The following PDE10A variants were observed in gnomAD, a reference collection of about 807,000 sequenced individuals.
PDE10A encodes phosphodiesterase 10A.
PDE10A carries 39 observed loss-of-function variants against 97.7 expected under a neutral mutation model. The ratio of observed to expected loss-of-function variants is 0.40; its 90% CI spans 0.31 to 0.52. The LOEUF is 0.52. PDE10A is among the 20% of genes least tolerant of loss of function. PDE10A has a pLI of 0.56. For synonymous variants in PDE10A, 371 were observed against 376.8 expected (o/e 0.98, Z 0.18); for missense variants, 731 against 1,047.8 (o/e 0.70, Z 4.17).
intron 3 of PDE10A, among the ~76,000 whole-genome samples, chr6:165,481,954 T>C (rs1372336472): frequency 1.3e-5 from 2 of 152,190 alleles, no homozygotes; most frequent in Non-Finnish European, 2.9e-5. Flanking sequence ...CAGCTTCCGC[T>C]TCCCACCCTG....
chr6:165,672,513 C>T (rs1327729522), intron 1 of PDE10A, among the ~76,000 whole-genome samples: 70 of 152,126 alleles, frequency 4.6e-4, no homozygotes, highest in Admixed American at 4.6e-3. Flanking sequence ...TGGCTGTGTC[C>T]CCACCCAAAT....
intron 10 of PDE10A, among the ~76,000 whole-genome samples, chr6:165,420,456 T>C (rs933581656): frequency 6.6e-6 from 1 of 152,142 alleles, no homozygotes; most frequent in African/African-American, 2.4e-5. Context: ...GCGAGAGTGA[T>C]GGGGCTGAGT....
intron 1 of PDE10A, among the ~76,000 whole-genome samples, chr6:165,719,985 A>C (rs2128448247): frequency 6.6e-6 from 1 of 152,342 alleles, no homozygotes; most frequent in South Asian, 2.1e-4. Context: ...AAGGTGTGTA[A>C]AACGTGAGGA....
chr6:165,888,652 G>A (rs1012785972), intron 1 of PDE10A, among the ~76,000 whole-genome samples: 4 of 152,114 alleles, frequency 2.6e-5, no homozygotes, highest in Admixed American at 2.6e-4. Context: ...ATTTTTATTT[G>A]TTTGTTTGTG....
At chr6:165,719,312 C>A (rs919900431) in intron 1 of PDE10A, among the ~76,000 whole-genome samples, 1 of 152,170 alleles carries the variant, frequency 6.6e-6, no homozygotes, top group African/African-American at 2.4e-5. Context: ...CTGTGAAGCT[C>A]ATTATCGGCA....
chr6:165,385,697 A>G (rs1785255280), intron 17 of PDE10A, among the ~76,000 whole-genome samples: 1 of 152,248 alleles, frequency 6.6e-6, no homozygotes, highest in African/African-American at 2.4e-5. Flanking sequence ...GGATTACTGC[A>G]AAATCAGCCA....
intron 1 of PDE10A, among the ~76,000 whole-genome samples, chr6:165,896,600 C>G (rs1017914534): frequency 6.0e-5 from 9 of 149,830 alleles, no homozygotes; most frequent in African/African-American, 2.2e-4. Flanking sequence ...TCTCGGCTCA[C>G]TGCAAGCTCC....
chr6:165,832,760 T>C (rs1666242538), intron 1 of PDE10A, among the ~76,000 whole-genome samples: 1 of 152,268 alleles, frequency 6.6e-6, no homozygotes, highest in Admixed American at 6.5e-5. Context: ...GAAGTTTACA[T>C]TTCAAGAGGC....
intron 2 of PDE10A, among the ~76,000 whole-genome samples, chr6:165,482,866 G>C (rs530204693): frequency 6.6e-6 from 1 of 152,294 alleles, no homozygotes; most frequent in East Asian, 1.9e-4. Context: ...TGTGTCTGAG[G>C]AGTTGTGGGG....
chr6:165,720,569 A>T (rs1422412263), intron 1 of PDE10A, among the ~76,000 whole-genome samples: 1 of 152,240 alleles, frequency 6.6e-6, no homozygotes, highest in Non-Finnish European at 1.5e-5. Context: ...ATATCATCAA[A>T]TGTCCCTTGA....
intron 2 of PDE10A, among the ~76,000 whole-genome samples, chr6:165,508,822 C>T (rs1781348883): frequency 6.6e-6 from 1 of 151,948 alleles, no homozygotes; most frequent in Non-Finnish European, 1.5e-5. Context: ...TGTAAGTATA[C>T]AAAATTCAGT....
intron 1 of PDE10A, among the ~76,000 whole-genome samples, chr6:165,805,904 A>T (rs914226337): frequency 6.6e-6 from 1 of 152,082 alleles, no homozygotes; most frequent in African/African-American, 2.4e-5. Flanking sequence ...CATCTCCCCG[A>T]GCCAGTTCCA....
At chr6:165,832,938 C>G (rs567118384) in intron 1 of PDE10A, among the ~76,000 whole-genome samples, 52 of 152,338 alleles carry the variant, frequency 3.4e-4, no homozygotes, top group Admixed American at 7.8e-4. Context: ...GATACCAGCC[C>G]TGCCTGGTCC....
intron 1 of PDE10A, among the ~76,000 whole-genome samples, chr6:165,915,255 G>T (rs1339185083): frequency 1.3e-5 from 2 of 152,158 alleles, no homozygotes; most frequent in African/African-American, 2.4e-5. Context: ...GGCTGATTCT[G>T]GGGGACAAGG....
chr6:165,900,680 T>G (rs2128484108), intron 1 of PDE10A, among the ~76,000 whole-genome samples: 1 of 152,288 alleles, frequency 6.6e-6, no homozygotes, highest in Admixed American at 6.5e-5. Context: ...TGGTTATAAT[T>G]GGTTGGTAAC....
intron 1 of PDE10A, among the ~76,000 whole-genome samples, chr6:165,868,221 A>G (rs1003676202): frequency 5.3e-4 from 81 of 152,132 alleles, no homozygotes; most frequent in African/African-American, 1.8e-3. Flanking sequence ...GATCAACAAA[A>G]CAAAAAATTG....
At position 165,816,070 on chromosome 6, in the gene PDE10A, C is replaced by T. The variant is rs532738662; in HGVS notation, c.-615+171459G>A. On this transcript the variant is annotated intron_variant, in intron 1 of 19. Transcript: ENST00000366882. ...ATTCAAGCCATTCTCCTGCCTCAGC[C>T]TCCTGAGTAGCTGGGACTACAGGCG... Among the ~76,000 whole-genome samples the T allele has an allele frequency of 9.2e-4, 140 of 152,286 alleles. 1 individual carries two copies. Among genetic ancestry groups the T allele is most frequent in the Admixed American group, 6.5e-3 (99 of 15,302 alleles).
At chr6:165,515,401 C>T (rs1174030952) in intron 2 of PDE10A, among the ~76,000 whole-genome samples, 2 of 151,586 alleles carry the variant, frequency 1.3e-5, no homozygotes, top group Non-Finnish European at 2.9e-5. Context: ...TTTTCTTGTA[C>T]TTACATAAAA....
At chr6:165,800,301 T>G (rs6456017) in intron 1 of PDE10A, among the ~76,000 whole-genome samples, 148,580 of 152,212 alleles carry the variant, frequency 0.98, 72,634 homozygotes, top group Middle Eastern at 1. Context: ...AAAGGGGCAT[T>G]TTATGTCTCA....
Sources: allele counts gnomAD v4.1 joint callset (sites outside exome capture counted in the v4.1 genomes callset), GRCh38; gene constraint gnomAD v4.1.1; transcripts MANE v1.5; gene names NCBI Gene and HGNC (gene_info 2026-07-23, HGNC 2026-07-21).